ZFYVE9: variants seen among roughly 807,000 people sequenced by gnomAD.
The protein encoded by ZFYVE9 is zinc finger FYVE-type containing 9, also known as zinc finger FYVE domain-containing protein 9.
A neutral mutation model predicts 126.7 loss-of-function variants in ZFYVE9; 43 were observed. The ratio of observed to expected loss-of-function variants is 0.34; its 90% CI spans 0.27 to 0.44. The LOEUF is 0.44. Ranked by LOEUF, ZFYVE9 falls within the 20% of genes least tolerant of loss-of-function variation. The pLI, the probability that ZFYVE9 is intolerant of heterozygous loss-of-function variation, is 1.00. For missense variants in ZFYVE9, 1,476 were observed against 1,697.0 expected (o/e 0.87, Z 2.29); for synonymous variants, 521 against 597.4 (o/e 0.87, Z 1.87).
At chr1:52,284,636 A>G (rs574571461) in intron 10 of ZFYVE9, among the ~76,000 whole-genome samples, 42 of 152,126 alleles carry the variant, frequency 2.8e-4, no homozygotes, top group East Asian at 1.2e-3. Context: ...AGCCAGGCTG[A>G]TCTTGATTTC....
In ZFYVE9 at chr1:52,293,562, C is replaced by T. The variant is rs367756402; in HGVS notation, c.3135C>T (p.Asp1045=). 3.6e-5 allele frequency: 58 copies of T among 1,613,908 alleles called. No individual in the cohort carries two copies. The African/African-American group carries it at 5.7e-4, about 16-fold the overall frequency. Residue 1045 remains aspartate (D), a synonymous_variant, in exon 11 of 19, where the codon GAC becomes GAT. Transcript: ENST00000287727. The part of the protein sequence containing the change: ...YVTSTYQSLQ[D]LVLPTPPYLF... The stretch of plus-strand genomic sequence containing the variant: ...CATCTACCTACCAGTCACTGCAAGA[C>T]CTAGTACTCCCAACCCCACCTTACT...
At chr1:52,334,822 AG>A (rs1423187985) in intron 15 of ZFYVE9, 54 bp downstream of exon 15, 49 of 1,557,104 alleles carry the variant, frequency 3.1e-5, no homozygotes, top group Non-Finnish European at 4.1e-5. Flanking sequence ...ATGTACATAA[AG>A]GGAATCCTTT....
chr1:52,211,792 CAT>C (rs1645030949), intron 1 of ZFYVE9, among the ~76,000 whole-genome samples: 1 of 152,186 alleles, frequency 6.6e-6, no homozygotes, highest in Non-Finnish European at 1.5e-5. Context: ...TATTTTCAAA[CAT>C]ATCATCATTT....
chr1:52,147,494 TACGATATATG>T (rs1644315885), intron 1 of ZFYVE9, among the ~76,000 whole-genome samples: 1 of 152,228 alleles, frequency 6.6e-6, no homozygotes, highest in Non-Finnish European at 1.5e-5. Flanking sequence ...AGTGGAATCA[TACGATATATG>T]ACTGGTTTCT....
intron 4 of ZFYVE9, among the ~76,000 whole-genome samples, chr1:52,263,167 TACCAGGA>T (rs1425404046): frequency 8.6e-5 from 13 of 151,556 alleles, no homozygotes; most frequent in Non-Finnish European, 1.3e-4. Flanking sequence ...GAAGTGAGAT[TACCAGGA>T]ACCAAGCCCA....
chr1:52,171,158 C>T (rs567118817), intron 1 of ZFYVE9, among the ~76,000 whole-genome samples: 1 of 152,138 alleles, frequency 6.6e-6, no homozygotes, highest in East Asian at 1.9e-4. Context: ...CCGCTCCCCC[C>T]ACCCCACAAC....
intron 1 of ZFYVE9, among the ~76,000 whole-genome samples, chr1:52,155,242 T>C (rs1030263723): frequency 7.5e-6 from 1 of 133,280 alleles, no homozygotes; most frequent in Non-Finnish European, 1.5e-5. Context: ...TTCTTTTTTT[T>C]TTTTTTTTTT....
chr1:52,312,992 A>T (rs1646152102), intron 13 of ZFYVE9, among the ~76,000 whole-genome samples: 1 of 152,186 alleles, frequency 6.6e-6, no homozygotes, highest in Admixed American at 6.6e-5. Flanking sequence ...TAAGAAGGGG[A>T]AATATGGAAA....
chr1:52,166,746 C>CA (rs1644517539), intron 1 of ZFYVE9, among the ~76,000 whole-genome samples: 2 of 151,904 alleles, frequency 1.3e-5, no homozygotes, highest in African/African-American at 4.8e-5. Context: ...CCCATCTCTA[C>CA]AAAAAACAAA....
chr1:52,332,974 C>G, intron 14 of ZFYVE9, 56 bp downstream of exon 14: 1 of 1,602,992 alleles, frequency 6.2e-7, no homozygotes, highest in Non-Finnish European at 8.5e-7. Context: ...TGGACTTGGA[C>G]AGTTAGATAC....
At chr1:52,182,387 T>C (rs1368324228) in intron 1 of ZFYVE9, among the ~76,000 whole-genome samples, 3 of 152,052 alleles carry the variant, frequency 2.0e-5, no homozygotes, top group Non-Finnish European at 2.9e-5. Context: ...GGGAGACTTT[T>C]CATTTTGTTC....
chr1:52,218,363 A>G (rs1286785997), intron 2 of ZFYVE9, among the ~76,000 whole-genome samples: 2 of 152,218 alleles, frequency 1.3e-5, no homozygotes, highest in Non-Finnish European at 2.9e-5. Flanking sequence ...CAGGTTTCCA[A>G]GGAATGTCAA....
At chr1:52,255,965 T>TCCTTCC (rs1463117983) in intron 4 of ZFYVE9, among the ~76,000 whole-genome samples, 1 of 56,770 alleles carries the variant, frequency 1.8e-5, no homozygotes, top group African/African-American at 1.1e-4. Context: ...TTTCTTTTCT[T>TCCTTCC]TTCTTTCTTT....
intron 12 of ZFYVE9, among the ~76,000 whole-genome samples, chr1:52,300,509 T>G (rs1370311761): frequency 6.6e-6 from 1 of 151,768 alleles, no homozygotes; most frequent in African/African-American, 2.4e-5. Flanking sequence ...GAGAATCTTT[T>G]GAACCTGGGA....
rs1645284140 is a variant in ZFYVE9, at chr1:52,237,524, G to A, written c.107G>A (p.Trp36Ter). The change falls in exon 4 of 19, where the codon TGG (tryptophan) becomes TAG (stop). Residue 36 changes from tryptophan to a stop codon, truncating the protein, a stop_gained. Coordinates refer to ENST00000287727, the MANE Select transcript of ZFYVE9 (RefSeq NM_004799.4). LOFTEE classifies it high-confidence loss of function. The part of the protein sequence containing the change: ...TVSSTLLDTK[W>*]NKILDPPSHR... Reference sequence around the variant, plus strand: ...TCTTCTACTTTATTGGATACAAAGTGGAATAAGATTCTAGATCCCCCTTCT... The same window carrying A: ...TCTTCTACTTTATTGGATACAAAGTAGAATAAGATTCTAGATCCCCCTTCT... The A allele has an allele frequency of 6.2e-7, 1 of 1,613,266 alleles. No individual in the cohort carries two copies. The highest frequency in any genetic ancestry group is 8.5e-7 in the Non-Finnish European group (1 of 1,179,484).
intron 1 of ZFYVE9, among the ~76,000 whole-genome samples, chr1:52,214,316 A>G (rs777056871): frequency 6.6e-6 from 1 of 152,194 alleles, no homozygotes; most frequent in East Asian, 1.9e-4. Flanking sequence ...AATCCCAGCT[A>G]CTCAGGAGGC....
chr1:52,307,693 T>C (rs1374992589), intron 13 of ZFYVE9, among the ~76,000 whole-genome samples: 3 of 152,286 alleles, frequency 2.0e-5, no homozygotes, highest in Non-Finnish European at 2.9e-5. Context: ...ATTTATTTTA[T>C]GGATTATGTA....
chr1:52,244,325 A>T (rs1645363075), intron 4 of ZFYVE9, among the ~76,000 whole-genome samples: 1 of 152,180 alleles, frequency 6.6e-6, no homozygotes, highest in Non-Finnish European at 1.5e-5. Context: ...TCTAGAAAAG[A>T]AGTTTTAGGA....
At chr1:52,276,069 G>A (rs1488757914) in intron 8 of ZFYVE9, among the ~76,000 whole-genome samples, 2 of 151,744 alleles carry the variant, frequency 1.3e-5, no homozygotes, top group East Asian at 1.9e-4. Flanking sequence ...CACCATGCCC[G>A]GCTAATTGTT....
Sources: gnomAD v4.1 joint callset for allele counts (sites outside exome capture counted in the v4.1 genomes callset) on GRCh38, gnomAD v4.1.1 for gene constraint, MANE v1.5 for transcripts, NCBI Gene and HGNC (gene_info 2026-07-23, HGNC 2026-07-21) for gene names.